The following SCAPER variants were observed in gnomAD, a reference collection of about 807,000 sequenced individuals.
SCAPER encodes the protein S-phase cyclin A associated protein in the ER, also known as S phase cyclin A-associated protein in the endoplasmic reticulum.
In SCAPER, 98 loss-of-function variants were observed where a neutral mutation model predicts 182.2. The ratio of observed to expected loss-of-function variants is 0.54; its 90% CI spans 0.46 to 0.64. The LOEUF is 0.64. Ranked by LOEUF, SCAPER falls within the 30% of genes least tolerant of loss-of-function variation. SCAPER has a pLI of 0.00. For missense variants in SCAPER, 1,432 were observed against 1,690.0 expected (o/e 0.85, Z 2.68); for synonymous variants, 605 against 564.6 (o/e 1.07, Z -1.01).
rs144371538 is a variant in SCAPER, at chr15:76,754,923, T to G, written c.1726-975A>C. ...GTACATCATAGAGTTATTGTGGTGA[T>G]CTGATGATATTACTCATGTGAAACA... On this transcript the variant is annotated intron_variant, in intron 14 of 31. Coordinates refer to ENST00000563290, the MANE Select transcript of SCAPER (RefSeq NM_020843.4). Among the ~76,000 whole-genome samples the G allele has an allele frequency of 4.0e-3, 609 of 152,284 alleles. 5 individuals are homozygous for G. Among genetic ancestry groups the G allele is most frequent in the African/African-American group, 0.013 (520 of 41,582 alleles).
At chr15:76,570,635 T>G (rs1316766181) in intron 23 of SCAPER, among the ~76,000 whole-genome samples, 1 of 152,174 alleles carries the variant, frequency 6.6e-6, no homozygotes, top group Non-Finnish European at 1.5e-5. Flanking sequence ...CTGTGACTAG[T>G]AATAACATAG....
chr15:76,721,843 T>A (rs919473614), intron 17 of SCAPER, among the ~76,000 whole-genome samples: 46 of 152,276 alleles, frequency 3.0e-4, no homozygotes, highest in African/African-American at 1.1e-3. Flanking sequence ...CGATGGGGTT[T>A]TCTAGATATA....
At chr15:76,722,407 C>G (rs951057604) in intron 17 of SCAPER, among the ~76,000 whole-genome samples, 4 of 151,998 alleles carry the variant, frequency 2.6e-5, no homozygotes, top group African/African-American at 9.7e-5. Context: ...TTGTGTCTCT[C>G]CTAGGCTTTG....
At chr15:76,534,704 T>C (rs1249371316) in intron 23 of SCAPER, among the ~76,000 whole-genome samples, 1 of 152,218 alleles carries the variant, frequency 6.6e-6, no homozygotes, top group Non-Finnish European at 1.5e-5. Flanking sequence ...TGAAAAGTTA[T>C]AAAAGTCCGA....
intron 22 of SCAPER, among the ~76,000 whole-genome samples, chr15:76,609,428 A>G (rs995761179): frequency 6.6e-6 from 1 of 152,050 alleles, no homozygotes; most frequent in Non-Finnish European, 1.5e-5. Flanking sequence ...CTGAGGTTAC[A>G]GTAAGCTATG....
chr15:76,796,044 G>C (rs371013939), intron 7 of SCAPER, among the ~76,000 whole-genome samples: 5 of 152,168 alleles, frequency 3.3e-5, no homozygotes, highest in African/African-American at 1.2e-4. Context: ...CTGGGTGACA[G>C]AGTGAGACTC....
intron 23 of SCAPER, among the ~76,000 whole-genome samples, chr15:76,511,589 A>G (rs911857238): frequency 6.6e-6 from 1 of 151,994 alleles, no homozygotes; most frequent in African/African-American, 2.4e-5. Flanking sequence ...CTTGTAACCA[A>G]ATTCCTTATA....
chr15:76,460,413 T>C (rs775389008), intron 25 of SCAPER, among the ~76,000 whole-genome samples: 10 of 152,172 alleles, frequency 6.6e-5, no homozygotes, highest in Non-Finnish European at 7.4e-5. Flanking sequence ...TTTTGTATTC[T>C]GCAACTTTAC....
intron 29 of SCAPER, among the ~76,000 whole-genome samples, chr15:76,357,150 T>TCACACACAAACA: frequency 7.8e-6 from 1 of 128,954 alleles, no homozygotes; most frequent in East Asian, 2.4e-4. Context: ...TTTATTGACA[T>TCACACACAAACA]CACACACACA....
chr15:76,590,457 T>C (rs536501784), intron 22 of SCAPER, among the ~76,000 whole-genome samples: 150 of 152,264 alleles, frequency 9.9e-4, no homozygotes, highest in Non-Finnish European at 2.0e-3. Flanking sequence ...AGAATGCACA[T>C]AGACTTTGGC....
At position 76,383,196 on chromosome 15, in the gene SCAPER, T is replaced by C. The variant is rs112438576; in HGVS notation, c.3468-1581A>G. Among the ~76,000 whole-genome samples the C allele has an allele frequency of 8.3e-3, 1,259 of 152,144 alleles. 16 individuals carry two copies. Among genetic ancestry groups the C allele is most frequent in the African/African-American group, 0.029 (1,199 of 41,490 alleles). On this transcript the variant is annotated intron_variant, in intron 27 of 31. Coordinates refer to ENST00000563290, the MANE Select transcript of SCAPER (RefSeq NM_020843.4). ...TCATTCTTTCAGCTGGAACCCAGGATGGGAGACAGTCCTTGAAGAACTATG... is the reference window on the plus strand; with the variant it reads ...TCATTCTTTCAGCTGGAACCCAGGACGGGAGACAGTCCTTGAAGAACTATG...
At chr15:76,651,875 A>G (rs2055080131) in intron 21 of SCAPER, among the ~76,000 whole-genome samples, 1 of 151,966 alleles carries the variant, frequency 6.6e-6, no homozygotes, top group African/African-American at 2.4e-5. Context: ...AAAATCCTCA[A>G]CAAAATACTA....
intron 23 of SCAPER, among the ~76,000 whole-genome samples, chr15:76,515,997 G>A (rs1040221106): frequency 6.6e-6 from 1 of 152,098 alleles, no homozygotes; most frequent in African/African-American, 2.4e-5. Context: ...CCTTGTCTGT[G>A]CTGACAGAGA....
intron 17 of SCAPER, among the ~76,000 whole-genome samples, chr15:76,706,957 T>C (rs962459535): frequency 1.3e-5 from 2 of 152,210 alleles, no homozygotes; most frequent in Non-Finnish European, 2.9e-5. Flanking sequence ...AAGAAATAAT[T>C]ATAAGACTAT....
intron 17 of SCAPER, among the ~76,000 whole-genome samples, chr15:76,711,173 G>C (rs867548767): frequency 6.6e-6 from 1 of 151,990 alleles, no homozygotes; most frequent in African/African-American, 2.4e-5. Context: ...GAAAACCATT[G>C]TATATAAAAT....
intron 1 of SCAPER, among the ~76,000 whole-genome samples, chr15:76,902,683 A>G (rs751900927): frequency 1.3e-5 from 2 of 152,202 alleles, no homozygotes; most frequent in Non-Finnish European, 2.9e-5. Flanking sequence ...CCCACTTTCT[A>G]AGTGTTTAAA....
At chr15:76,495,991 GAGACACACACACACACACACAC>G (rs1376209681) in intron 24 of SCAPER, among the ~76,000 whole-genome samples, 1 of 100,894 alleles carries the variant, frequency 9.9e-6, no homozygotes, top group African/African-American at 4.2e-5. Flanking sequence ...GCAAAAGAGA[GAGACACACACACACACACACAC>G]ACACACACAC....
At chr15:76,785,092 CA>C (rs1489533015) in intron 8 of SCAPER, among the ~76,000 whole-genome samples, 1 of 152,122 alleles carries the variant, frequency 6.6e-6, no homozygotes, top group Non-Finnish European at 1.5e-5. Context: ...AGTGAACAGG[CA>C]TCCTACAGAA....
At chr15:76,390,066 C>G (rs2043580436) in intron 27 of SCAPER, among the ~76,000 whole-genome samples, 1 of 152,018 alleles carries the variant, frequency 6.6e-6, no homozygotes, top group East Asian at 1.9e-4. Flanking sequence ...AAGCAATCCT[C>G]CCATGTCAGC....
Sources: gnomAD v4.1 joint callset for allele counts (sites outside exome capture counted in the v4.1 genomes callset) on GRCh38, gnomAD v4.1.1 for gene constraint, MANE v1.5 for transcripts, NCBI Gene and HGNC (gene_info 2026-07-23, HGNC 2026-07-21) for gene names.